Variants in PTPRD observed in about 807,000 individuals in gnomAD.
The protein encoded by PTPRD is receptor-type tyrosine-protein phosphatase delta.
In PTPRD, 34 loss-of-function variants were observed where a neutral mutation model predicts 214.5. The observed-to-expected ratio is 0.16, with a 90% CI of 0.12 to 0.21. The LOEUF (loss-of-function observed/expected upper bound fraction) is 0.21. PTPRD is among the 10% of genes least tolerant of loss of function. The pLI is 1.00. For synonymous variants in PTPRD, 1,128 were observed against 845.7 expected, an observed-to-expected ratio of 1.33 and a Z score of -5.79; for missense variants, 2,545 against 2,398.7, an observed-to-expected ratio of 1.06 and a Z score of -1.27.
chr9:10,005,358 T>C (rs1156688513), intron 4 of PTPRD, among the ~76,000 whole-genome samples: 1 of 152,134 alleles, frequency 6.6e-6, no homozygotes, highest in Non-Finnish European at 1.5e-5. Flanking sequence ...ACCAAGATTA[T>C]CAAAAAGCAG....
chr9:8,819,179 CTTGAGTATTCCATTA>C (rs2096987704), intron 11 of PTPRD, among the ~76,000 whole-genome samples: 1 of 152,106 alleles, frequency 6.6e-6, no homozygotes. Context: ...TACTCTGTGT[CTTGAGTATTCCATTA>C]TTAAGTGGAA....
rs546726607 is a variant in PTPRD at position 9,678,573 on chromosome 9, A to G, written c.-287+55960T>C. 1.1e-4 allele frequency among the ~76,000 whole-genome samples: 17 copies of G among 152,064 alleles called. No homozygotes were observed. The South Asian group carries it at 3.3e-3, about 30-fold the overall frequency. On this transcript the variant is annotated intron_variant, in intron 7 of 45. Coordinates refer to ENST00000381196, the MANE Select transcript of PTPRD (RefSeq NM_002839.4). ...ACCTCAAAGATATTTAATAAAAATT[A>G]TAGTGAACATCATTATTAATAGTGA...
At chr9:9,407,888 A>C (rs535966955) in intron 8 of PTPRD, among the ~76,000 whole-genome samples, 2 of 151,942 alleles carry the variant, frequency 1.3e-5, no homozygotes, top group South Asian at 4.1e-4. Context: ...ATCTTGTAAA[A>C]TTTTGGTTAG....
At chr9:9,727,852 G>T (rs907336937) in intron 7 of PTPRD, among the ~76,000 whole-genome samples, 5 of 152,160 alleles carry the variant, frequency 3.3e-5, no homozygotes, top group Non-Finnish European at 7.4e-5. Flanking sequence ...AACTCCACAT[G>T]TAGGAATTCT....
At chr9:10,120,206 C>T (rs963103538) in intron 3 of PTPRD, among the ~76,000 whole-genome samples, 2 of 151,830 alleles carry the variant, frequency 1.3e-5, no homozygotes, top group Non-Finnish European at 1.5e-5. Flanking sequence ...AAATGAATTA[C>T]TTGCATTATT....
intron 3 of PTPRD, among the ~76,000 whole-genome samples, chr9:10,283,325 T>G (rs1046582057): frequency 3.3e-5 from 5 of 152,214 alleles, no homozygotes; most frequent in African/African-American, 1.2e-4. Flanking sequence ...TATGATCTAT[T>G]GTTTAACATA....
intron 8 of PTPRD, among the ~76,000 whole-genome samples, chr9:9,530,211 C>G (rs2075141118): frequency 6.6e-6 from 1 of 152,004 alleles, no homozygotes; most frequent in South Asian, 2.1e-4. Context: ...CAATGAAACA[C>G]AAAGTTGGTC....
chr9:8,639,734 G>C (rs1398310431), intron 12 of PTPRD, among the ~76,000 whole-genome samples: 3 of 152,182 alleles, frequency 2.0e-5, no homozygotes, highest in Non-Finnish European at 4.4e-5. Context: ...CTGTTGCCAT[G>C]TAAGGACCTA....
chr9:8,319,597 A>G (rs1825294551), intron 45 of PTPRD, among the ~76,000 whole-genome samples: 1 of 152,104 alleles, frequency 6.6e-6, no homozygotes, highest in African/African-American at 2.4e-5. Flanking sequence ...CAGTAGTAAA[A>G]TTTAACATAG....
At chr9:9,179,987 A>G (rs1034991258) in intron 10 of PTPRD, among the ~76,000 whole-genome samples, 5 of 152,126 alleles carry the variant, frequency 3.3e-5, no homozygotes, top group Non-Finnish European at 7.4e-5. Flanking sequence ...GGGATGAAGG[A>G]TACATTAAAC....
chr9:9,629,914 G>A (rs886586448), intron 7 of PTPRD, among the ~76,000 whole-genome samples: 4 of 152,174 alleles, frequency 2.6e-5, no homozygotes, highest in African/African-American at 7.2e-5. Context: ...TAGGGGAAAT[G>A]AGAGTAGGTG....
At chr9:9,429,454 C>T (rs1044663322) in intron 8 of PTPRD, among the ~76,000 whole-genome samples, 7 of 152,130 alleles carry the variant, frequency 4.6e-5, no homozygotes, top group African/African-American at 1.4e-4. Flanking sequence ...GGATTCACAG[C>T]TGAATTCTAT....
At chr9:10,225,534 G>A (rs1368536254) in intron 3 of PTPRD, among the ~76,000 whole-genome samples, 2 of 152,042 alleles carry the variant, frequency 1.3e-5, no homozygotes, top group Non-Finnish European at 2.9e-5. Flanking sequence ...AATGGATCAT[G>A]AGAAAATGAA....
At chr9:8,883,596 T>C (rs1428945180) in intron 11 of PTPRD, among the ~76,000 whole-genome samples, 1 of 152,196 alleles carries the variant, frequency 6.6e-6, no homozygotes, top group East Asian at 1.9e-4. Context: ...CTCTGACATG[T>C]TGATTATTCA....
At chr9:9,478,298 G>A (rs1334764349) in intron 8 of PTPRD, among the ~76,000 whole-genome samples, 1 of 152,180 alleles carries the variant, frequency 6.6e-6, no homozygotes, top group African/African-American at 2.4e-5. Context: ...AAGGAAAGAA[G>A]TAAAATGACA....
chr9:10,342,093 G>C (rs1302916846), intron 2 of PTPRD, among the ~76,000 whole-genome samples: 6 of 152,146 alleles, frequency 3.9e-5, no homozygotes, highest in African/African-American at 1.2e-4. Flanking sequence ...ACAGTAGGTA[G>C]TCTTTTTGGC....
At chr9:8,987,819 G>T (rs893777968) in intron 11 of PTPRD, among the ~76,000 whole-genome samples, 3 of 152,144 alleles carry the variant, frequency 2.0e-5, no homozygotes, top group African/African-American at 7.2e-5. Flanking sequence ...AATATATTTA[G>T]TTGGAAATGT....
chr9:8,667,770 A>G (rs1241690992), intron 12 of PTPRD, among the ~76,000 whole-genome samples: 1 of 152,062 alleles, frequency 6.6e-6, no homozygotes, highest in East Asian at 1.9e-4. Context: ...AAAAAAATAA[A>G]ATAAAATAAA....
chr9:8,436,562 T>A (rs774215968), intron 35 of PTPRD, 30 bp downstream of exon 35: 81 of 1,523,894 alleles, frequency 5.3e-5, no homozygotes, highest in Non-Finnish European at 7.3e-5. Context: ...ACTCTTGAAA[T>A]TACTGTAAAG....
Sources: allele counts gnomAD v4.1 joint callset (sites outside exome capture counted in the v4.1 genomes callset), GRCh38; gene constraint gnomAD v4.1.1; transcripts MANE v1.5; gene names NCBI Gene and HGNC (gene_info 2026-07-23, HGNC 2026-07-21).